PAK6: variants seen among roughly 807,000 people sequenced by gnomAD.
PAK6 encodes the protein p21 (RAC1) activated kinase 6.
Under a neutral mutation model 60.8 loss-of-function variants are expected in PAK6, and 33 were observed. The ratio of observed to expected loss-of-function variants is 0.54; its 90% CI spans 0.41 to 0.73. PAK6 has a LOEUF of 0.73. Ranked by LOEUF, PAK6 falls within the 30% of genes least tolerant of loss-of-function variation. The pLI, the probability that PAK6 is intolerant of heterozygous loss-of-function variation, is 0.00. For missense variants in PAK6, 845 were observed against 904.1 expected (o/e 0.93, Z 0.84); for synonymous variants, 404 against 378.5 (o/e 1.07, Z -0.78).
intron 5 of PAK6, among the ~76,000 whole-genome samples, chr15:40,268,486 TTCCTCC>T (rs960287603): frequency 2.6e-4 from 39 of 152,274 alleles, no homozygotes; most frequent in African/African-American, 8.7e-4. Context: ...AGCATCAGCC[TTCCTCC>T]TCCTCCTCCA....
intron 2 of PAK6, 118 bp from the exon 3 acceptor site, chr15:40,253,060 G>C: frequency 2.6e-6 from 1 of 389,740 alleles, no homozygotes; most frequent in South Asian, 1.9e-5. Flanking sequence ...TGAGCCAGGA[G>C]TTCAGTCGGG....
At chr15:40,253,128 G>A (rs1219663818) in intron 2 of PAK6, 50 bp from the exon 3 acceptor site, 1 of 438,430 alleles carries the variant, frequency 2.3e-6, no homozygotes, top group Non-Finnish European at 4.6e-6. Context: ...ACACCCGCGG[G>A]AACACTTGCT....
At chr15:40,271,663 C>T (rs2039305063) in intron 5 of PAK6, among the ~76,000 whole-genome samples, 1 of 152,176 alleles carries the variant, frequency 6.6e-6, no homozygotes, top group South Asian at 2.1e-4. Flanking sequence ...TTGCAAACTC[C>T]CTGCTGCAGG....
chr15:40,245,977 T>C, intron 2 of PAK6: 1 of 152,238 alleles, frequency 6.6e-6, no homozygotes, highest in Non-Finnish European at 1.5e-5. Context: ...CCTCCTGCCA[T>C]CCCCCTGCAT....
At chr15:40,244,717 T>G (rs2038452041) in intron 2 of PAK6, among the ~76,000 whole-genome samples, 1 of 152,120 alleles carries the variant, frequency 6.6e-6, no homozygotes, top group Non-Finnish European at 1.5e-5. Context: ...TACAAAGGAT[T>G]ATCTGTTCTA....
chr15:40,241,049 C>T lies in PAK6; in HGVS notation c.-118+368C>T, dbSNP rs34434843. On this transcript the variant is annotated intron_variant, in intron 2 of 10. Transcript: ENST00000560346. ...AAATATTTAGGGAGCACTGCTGGGT[C>T]CCAGGCTCCAAGTCACACCCTTTGG... Among the ~76,000 whole-genome samples the T allele has an allele frequency of 4.1e-4, 63 of 152,290 alleles. No individual in the cohort carries two copies. The East Asian group carries it at 0.012, about 29-fold the overall frequency.
chr15:40,273,741 G>A (rs2140994231), intron 9 of PAK6, 65 bp downstream of exon 9: 3 of 1,584,536 alleles, frequency 1.9e-6, no homozygotes, highest in African/African-American at 2.7e-5. Flanking sequence ...CTCTTCTGCT[G>A]TGGCCCCTCC....
intron 5 of PAK6, among the ~76,000 whole-genome samples, chr15:40,268,986 G>A (rs1422522088): frequency 2.0e-5 from 3 of 152,202 alleles, no homozygotes; most frequent in Admixed American, 2.0e-4. Flanking sequence ...TACGTTGAAG[G>A]CACTTGTCAA....
chr15:40,266,123 G>A, exon 5 of PAK6: 10 of 1,610,012 alleles, frequency 6.2e-6, no homozygotes, highest in Non-Finnish European at 8.5e-6. Flanking sequence ...CGTGGCCCGA[G>A]CCACAGAGCC....
chr15:40,271,969 G>A (rs1325701927), intron 5 of PAK6, among the ~76,000 whole-genome samples: 1 of 152,210 alleles, frequency 6.6e-6, no homozygotes, highest in African/African-American at 2.4e-5. Context: ...GTCTTCCCAG[G>A]TGCAGCAGAG....
chr15:40,275,282 T>TTTCTTTTTC (rs796335231), intron 10 of PAK6, among the ~76,000 whole-genome samples: 1,031 of 95,086 alleles, frequency 0.011, 42 homozygotes, highest in African/African-American at 0.045. Flanking sequence ...TGTTGTTGGT[T>TTTCTTTTTC]TTTTTTTTTT....
intron 5 of PAK6, among the ~76,000 whole-genome samples, chr15:40,270,214 C>A (rs1379069653): frequency 2.0e-5 from 3 of 152,226 alleles, no homozygotes; most frequent in African/African-American, 7.2e-5. Flanking sequence ...TCTCATGGAA[C>A]CTCTGTTCCC....
At chr15:40,252,961 G>T in intron 2 of PAK6, 1 of 767,502 alleles carries the variant, frequency 1.3e-6, no homozygotes, top group Non-Finnish European at 1.8e-6. Context: ...TCGGAGTGTG[G>T]CTGGAGAGGG....
intron 9 of PAK6, chr15:40,273,937 GTGAC>G: frequency 1.5e-6 from 1 of 679,584 alleles, no homozygotes; most frequent in South Asian, 1.8e-5. Flanking sequence ...CTTTCTCTGA[GTGAC>G]TGACAGCTGT....
intron 2 of PAK6, chr15:40,252,787 G>GCT: frequency 1.5e-6 from 2 of 1,299,848 alleles, no homozygotes; most frequent in Non-Finnish European, 2.0e-6. Flanking sequence ...CGAAGTTCGG[G>GCT]ACCAGCCGGC....
chr15:40,266,266 C>A (rs34869667), exon 5 of PAK6: 1 of 1,611,072 alleles, frequency 6.2e-7, no homozygotes, highest in Non-Finnish European at 8.5e-7. Context: ...TCGCCCCCCA[C>A]GGGCACCAAT....
intron 2 of PAK6, among the ~76,000 whole-genome samples, chr15:40,244,600 G>T (rs1390778702): frequency 6.6e-6 from 1 of 151,840 alleles, no homozygotes; most frequent in Non-Finnish European, 1.5e-5. Context: ...GTTTCACTAT[G>T]TTGGCCAGGC....
intron 4 of PAK6, among the ~76,000 whole-genome samples, chr15:40,265,505 C>T (rs186871283): frequency 6.6e-6 from 1 of 152,300 alleles, no homozygotes; most frequent in Admixed American, 6.5e-5. Context: ...CTCCCAGCCA[C>T]CCGTGGAGCT....
chr15:40,272,036 G>C (rs2039318503), intron 5 of PAK6, among the ~76,000 whole-genome samples, 188 bp from the exon 6 acceptor site: 1 of 152,196 alleles, frequency 6.6e-6, no homozygotes, highest in African/African-American at 2.4e-5. Flanking sequence ...GGGGACTGCT[G>C]GCACAGGACT....
Sources: gnomAD v4.1 joint callset for allele counts (sites outside exome capture counted in the v4.1 genomes callset) on GRCh38, gnomAD v4.1.1 for gene constraint, MANE v1.5 for transcripts, NCBI Gene and HGNC (gene_info 2026-07-23, HGNC 2026-07-21) for gene names.